Variants in CXADR observed in about 807,000 individuals in gnomAD.
The protein encoded by CXADR is CXADR cell adhesion molecule.
A neutral mutation model predicts 40.3 loss-of-function variants in CXADR; 20 were observed. That is an observed-to-expected ratio of 0.50 (90% CI 0.35 to 0.72). The LOEUF (loss-of-function observed/expected upper bound fraction) is 0.72, where lower values mean the gene tolerates loss of function less well. Among genes scored for constraint, CXADR ranks in the 30% least tolerant of loss-of-function variants. The probability of loss-of-function intolerance (pLI) is 0.01; values close to 1 mark genes in which losing one functional copy is unlikely to be tolerated. For missense variants in CXADR, 332 were observed against 449.1 expected (o/e 0.74, Z 2.36); for synonymous variants, 150 against 161.3 (o/e 0.93, Z 0.53).
chr21:17,593,906 CTA>C, downstream of CXADR: 1 of 739,652 alleles, frequency 1.4e-6, no homozygotes, highest in Non-Finnish European at 2.0e-6. Flanking sequence ...ATTTCTCAAA[CTA>C]TATCAATATC....
intron 7 of CXADR, among the ~76,000 whole-genome samples, chr21:17,575,364 G>A (rs1167098834): frequency 6.6e-6 from 1 of 150,508 alleles, no homozygotes; most frequent in Non-Finnish European, 1.5e-5. Flanking sequence ...TTGATTTTTG[G>A]TAGAGAGAGG....
chr21:17,543,494 C>T (rs13049684), intron 1 of CXADR, among the ~76,000 whole-genome samples: 20,630 of 151,932 alleles, frequency 0.14, 2,550 homozygotes, highest in African/African-American at 0.33. Flanking sequence ...CACAGTAACC[C>T]GGAAGTTTTT....
chr21:17,522,197 A>G (rs138978706), intron 1 of CXADR, among the ~76,000 whole-genome samples: 3,468 of 151,222 alleles, frequency 0.023, 55 homozygotes, highest in Middle Eastern at 0.054. Context: ...TGCCCAGGCT[A>G]GAGTGCAATG....
At chr21:17,587,764 G>A in intron 7 of CXADR, among the ~76,000 whole-genome samples, 1 of 151,794 alleles carries the variant, frequency 6.6e-6, no homozygotes. Flanking sequence ...GTCAATTTTG[G>A]CTTTTGTTGC....
At chr21:17,571,976 T>C (rs2061280723), downstream of CXADR, among the ~76,000 whole-genome samples, 1 of 152,176 alleles carries the variant, frequency 6.6e-6, no homozygotes, top group African/African-American at 2.4e-5. Flanking sequence ...TGAGTGGATA[T>C]TTAGTAAGAA....
In CXADR at chr21:17,540,666, G is replaced by C. The variant is rs1476891143; in HGVS notation, c.44-6361G>C. On this transcript the variant is annotated intron_variant, in intron 1 of 6. Transcript: ENST00000284878. ...TTTTCAGATGTTTTTGTGTTTCAGAGAGCATCAGTGAGTAATATCCTTGTA... is the reference window on the plus strand; with the variant it reads ...TTTTCAGATGTTTTTGTGTTTCAGACAGCATCAGTGAGTAATATCCTTGTA... 3.3e-5 allele frequency among the ~76,000 whole-genome samples: 5 copies of C among 152,170 alleles called. No individual in the cohort carries two copies. In the East Asian group the frequency reaches 7.7e-4, roughly 23 times the overall value.
intron 1 of CXADR, among the ~76,000 whole-genome samples, chr21:17,526,696 C>A (rs949545529): frequency 1.3e-5 from 2 of 152,158 alleles, no homozygotes; most frequent in Non-Finnish European, 2.9e-5. Context: ...ACTTTTTCTT[C>A]ATTAACTTCA....
At chr21:17,582,730 T>C (rs74914224) in intron 7 of CXADR, among the ~76,000 whole-genome samples, 2,880 of 152,358 alleles carry the variant, frequency 0.019, 98 homozygotes, top group African/African-American at 0.066. Context: ...GATTTATCTT[T>C]GGTTTCTTCA....
the CXADR span, among the ~76,000 whole-genome samples, chr21:17,620,433 A>G: frequency 6.6e-6 from 1 of 152,242 alleles, no homozygotes; most frequent in African/African-American, 2.4e-5. Context: ...ATGGCACCTC[A>G]TAACAATCAA....
chr21:17,565,071 T>C (rs1361772483), intron 6 of CXADR, among the ~76,000 whole-genome samples: 30 of 152,208 alleles, frequency 2.0e-4, no homozygotes, highest in Admixed American at 2.0e-3. Flanking sequence ...TATAAAGTGT[T>C]ACATGGCTTT....
At chr21:17,622,470 T>G in the CXADR span, among the ~76,000 whole-genome samples, 1 of 152,210 alleles carries the variant, frequency 6.6e-6, no homozygotes, top group East Asian at 1.9e-4. Context: ...CAAAAAGACA[T>G]GTCTATACCT....
At chr21:17,536,859 C>T (rs1258905795) in intron 1 of CXADR, among the ~76,000 whole-genome samples, 1 of 152,082 alleles carries the variant, frequency 6.6e-6, no homozygotes, top group Non-Finnish European at 1.5e-5. Flanking sequence ...CTGGTTCAAG[C>T]AATTCTCCTG....
chr21:17,556,879 C>A (rs1365808107), intron 3 of CXADR, among the ~76,000 whole-genome samples: 1 of 151,974 alleles, frequency 6.6e-6, no homozygotes, highest in African/African-American at 2.4e-5. Context: ...TTGAAGATAC[C>A]CCACTGAATA....
At chr21:17,517,492 T>C (rs1229149276) in intron 1 of CXADR, among the ~76,000 whole-genome samples, 3 of 152,162 alleles carry the variant, frequency 2.0e-5, no homozygotes, top group African/African-American at 7.2e-5. Context: ...GGGGGATGAG[T>C]CTGGCCTATT....
chr21:17,561,857 A>T (rs2061126942), intron 6 of CXADR, among the ~76,000 whole-genome samples: 2 of 152,160 alleles, frequency 1.3e-5, no homozygotes, highest in Non-Finnish European at 2.9e-5. Context: ...TGGTAGTATA[A>T]TTTTTATTTT....
chr21:17,622,610 G>A, the CXADR span, among the ~76,000 whole-genome samples: 4 of 151,998 alleles, frequency 2.6e-5, no homozygotes, highest in African/African-American at 9.7e-5. Context: ...TTTCCAGAAG[G>A]AAATAACTAA....
At chr21:17,579,226 T>C (rs372436174) in intron 7 of CXADR, among the ~76,000 whole-genome samples, 1 of 152,092 alleles carries the variant, frequency 6.6e-6, no homozygotes, top group African/African-American at 2.4e-5. Context: ...TTTAACACAT[T>C]TGTGACTGTG....
At chr21:17,518,460 T>C in intron 1 of CXADR, 1 of 725,028 alleles carries the variant, frequency 1.4e-6, no homozygotes, top group East Asian at 2.5e-5. Context: ...TCTGTGTCTG[T>C]AAAACTTTGG....
At chr21:17,572,173 C>T (rs1379599219), downstream of CXADR, among the ~76,000 whole-genome samples, 2 of 148,190 alleles carry the variant, frequency 1.3e-5, no homozygotes, top group Non-Finnish European at 3.0e-5. Context: ...ACCAGCCTGG[C>T]CAACATGATG....
Sources: gnomAD v4.1 joint callset for allele counts (sites outside exome capture counted in the v4.1 genomes callset) on GRCh38, gnomAD v4.1.1 for gene constraint, MANE v1.5 for transcripts, NCBI Gene and HGNC (gene_info 2026-07-23, HGNC 2026-07-21) for gene names.